The following KCNT2 variants were observed in gnomAD, a reference collection of about 807,000 sequenced individuals.
KCNT2 encodes potassium sodium-activated channel subfamily T member 2, also known as potassium channel subfamily T member 2.
In KCNT2, 67 loss-of-function variants were observed where a neutral mutation model predicts 153.8. The ratio of observed to expected loss-of-function variants is 0.44; its 90% CI spans 0.36 to 0.53. KCNT2 has a LOEUF of 0.53. KCNT2 is among the 20% of genes least tolerant of loss of function. The probability of loss-of-function intolerance (pLI) is 0.00; values close to 1 mark genes in which losing one functional copy is unlikely to be tolerated. For synonymous variants in KCNT2, 500 were observed against 458.8 expected, an observed-to-expected ratio of 1.09 and a Z score of -1.15; for missense variants, 975 against 1,354.8, an observed-to-expected ratio of 0.72 and a Z score of 4.40.
chr1:196,241,369 G>A (rs539017829), intron 26 of KCNT2, among the ~76,000 whole-genome samples: 1 of 151,870 alleles, frequency 6.6e-6, no homozygotes, highest in South Asian at 2.1e-4. Flanking sequence ...TATAAAACTG[G>A]CTAGTTTTAC....
Position 196,570,233 on chromosome 1 carries a change from G to A in KCNT2, c.95+37982C>T, listed in dbSNP as rs556782425. Among the ~76,000 whole-genome samples, 571 of 152,224 alleles carry A rather than the reference G, an allele frequency of 3.8e-3. 3 individuals carry two copies. Among genetic ancestry groups the A allele is most frequent in the Middle Eastern group, 6.8e-3 (2 of 294 alleles). ...CTGCTTTTTGGGTGAAATGCAGTAAGTATGAAATAATCCCAATTTGAGGAA... is the reference window on the plus strand; with the variant it reads ...CTGCTTTTTGGGTGAAATGCAGTAAATATGAAATAATCCCAATTTGAGGAA... On this transcript the variant is annotated intron_variant, in intron 1 of 27. Coordinates refer to ENST00000294725, the MANE Select transcript of KCNT2 (RefSeq NM_198503.5).
At chr1:196,274,296 T>C (rs558731188) in intron 25 of KCNT2, among the ~76,000 whole-genome samples, 1 of 151,754 alleles carries the variant, frequency 6.6e-6, no homozygotes, top group African/African-American at 2.4e-5. Flanking sequence ...AGTATATTAT[T>C]TGATGTAATA....
chr1:196,436,677 T>A (rs1674688892), intron 8 of KCNT2, among the ~76,000 whole-genome samples: 1 of 151,040 alleles, frequency 6.6e-6, no homozygotes, highest in African/African-American at 2.4e-5. Flanking sequence ...AATTAATGAA[T>A]TTTGGTGAGT....
intron 25 of KCNT2, among the ~76,000 whole-genome samples, chr1:196,280,656 C>T (rs1282981357): frequency 6.6e-6 from 1 of 152,088 alleles, no homozygotes; most frequent in African/African-American, 2.4e-5. Context: ...AGCCCCTTAG[C>T]CAACAATATT....
At chr1:196,568,276 A>G (rs1250142816) in intron 1 of KCNT2, among the ~76,000 whole-genome samples, 1 of 152,102 alleles carries the variant, frequency 6.6e-6, no homozygotes, top group Non-Finnish European at 1.5e-5. Flanking sequence ...TGCAGTTCAC[A>G]TAGGGTTCGC....
At chr1:196,374,389 A>C (rs1668778367) in intron 13 of KCNT2, among the ~76,000 whole-genome samples, 1 of 151,830 alleles carries the variant, frequency 6.6e-6, no homozygotes, top group African/African-American at 2.4e-5. Flanking sequence ...GATTTAGTAC[A>C]TGAGATAGCA....
At chr1:196,464,517 C>G (rs930894645) in intron 8 of KCNT2, among the ~76,000 whole-genome samples, 1 of 151,816 alleles carries the variant, frequency 6.6e-6, no homozygotes, top group South Asian at 2.1e-4. Context: ...TGTATGTGTG[C>G]ATTTTTCCTT....
intron 1 of KCNT2, among the ~76,000 whole-genome samples, chr1:196,543,718 G>C (rs1168600265): frequency 2.6e-5 from 4 of 151,916 alleles, no homozygotes; most frequent in Admixed American, 2.6e-4. Context: ...CTTATCAGAT[G>C]GCCAAAATAA....
At chr1:196,295,276 C>T (rs751292579) in intron 22 of KCNT2, among the ~76,000 whole-genome samples, 1 of 151,524 alleles carries the variant, frequency 6.6e-6, no homozygotes, top group Non-Finnish European at 1.5e-5. Flanking sequence ...GAAGTTAAAA[C>T]CAGTGTTCTT....
At position 196,342,213 on chromosome 1, in the gene KCNT2, C is replaced by A; in HGVS notation, c.1419G>T (p.Ser473=). ...HTSRGQEGQQ[S]PEQWQKMYGR... is the part of the protein sequence containing the mutation. ...CGTACATCTTCTGCCATTGTTCTGG[C>A]GATTGCTGGCCTTCTCTGCAACACA... The change falls in exon 15 of 28, where the codon TCG becomes TCT. Residue 473 remains serine (S), a synonymous_variant. Transcript: ENST00000294725. 4 of 1,610,878 alleles carry A rather than the reference C, an allele frequency of 2.5e-6. No individual in the cohort carries two copies. Among genetic ancestry groups the A allele is most frequent in the Non-Finnish European group, 3.4e-6 (4 of 1,178,700 alleles).
intron 26 of KCNT2, among the ~76,000 whole-genome samples, chr1:196,242,404 T>G (rs1317576398): frequency 6.6e-6 from 1 of 152,064 alleles, no homozygotes; most frequent in Non-Finnish European, 1.5e-5. Context: ...AATTTTATTT[T>G]AATAATTGGA....
chr1:196,447,873 T>C (rs1461228377), intron 8 of KCNT2, among the ~76,000 whole-genome samples: 2 of 148,918 alleles, frequency 1.3e-5, no homozygotes, highest in Non-Finnish European at 3.0e-5. Context: ...TCTAGGCAGA[T>C]AGAGAAGTCA....
At chr1:196,298,535 C>A (rs571620490) in intron 22 of KCNT2, among the ~76,000 whole-genome samples, 21 of 152,158 alleles carry the variant, frequency 1.4e-4, no homozygotes, top group Admixed American at 1.2e-3. Context: ...TGTTGGGGTG[C>A]CCCATTCTCT....
At chr1:196,261,928 A>G (rs767588876) in intron 25 of KCNT2, among the ~76,000 whole-genome samples, 1 of 151,852 alleles carries the variant, frequency 6.6e-6, no homozygotes, top group African/African-American at 2.4e-5. Context: ...TATACAGTTC[A>G]ATAAAGAAGT....
intron 26 of KCNT2, among the ~76,000 whole-genome samples, chr1:196,241,677 C>T (rs1406232723): frequency 2.0e-5 from 3 of 151,982 alleles, no homozygotes; most frequent in African/African-American, 7.2e-5. Context: ...TCATATGAAA[C>T]TATGAGCAAA....
At chr1:196,243,557 G>A (rs1339463150) in intron 26 of KCNT2, among the ~76,000 whole-genome samples, 2 of 152,142 alleles carry the variant, frequency 1.3e-5, no homozygotes, top group Non-Finnish European at 2.9e-5. Context: ...CAGTGACTGT[G>A]AGACTGCATT....
At chr1:196,500,211 AGAGAGAGAGAGACG>A (rs200434173) in intron 1 of KCNT2, among the ~76,000 whole-genome samples, 4,152 of 134,744 alleles carry the variant, frequency 0.031, 218 homozygotes, top group African/African-American at 0.1. Flanking sequence ...AGGGGGAGAG[AGAGAGAGAGAGACG>A]GAGAGAGAGA....
chr1:196,514,839 G>C (rs1184060504), intron 1 of KCNT2, among the ~76,000 whole-genome samples: 4 of 152,072 alleles, frequency 2.6e-5, no homozygotes, highest in African/African-American at 9.6e-5. Context: ...GTGTCTTTTA[G>C]AATCGCGAAA....
rs74134376 is a variant in KCNT2 at position 196,600,541 on chromosome 1, G to C, written c.95+7674C>G. Reference sequence around the variant, plus strand: ...TTAGGCAACAAAAACTAATGATGTAGTTTGGTTGACGAAGTAAAACATGGT... The same window carrying C: ...TTAGGCAACAAAAACTAATGATGTACTTTGGTTGACGAAGTAAAACATGGT... On this transcript the variant is annotated intron_variant, in intron 1 of 27. Coordinates refer to ENST00000294725, the MANE Select transcript of KCNT2 (RefSeq NM_198503.5). Among the ~76,000 whole-genome samples the C allele has an allele frequency of 2.8e-3, 422 of 152,252 alleles. 2 individuals carry two copies. Among genetic ancestry groups the C allele is most frequent in the African/African-American group, 9.6e-3 (399 of 41,534 alleles).
Sources: allele counts gnomAD v4.1 joint callset (sites outside exome capture counted in the v4.1 genomes callset), GRCh38; gene constraint gnomAD v4.1.1; transcripts MANE v1.5; gene names NCBI Gene and HGNC (gene_info 2026-07-23, HGNC 2026-07-21).